AUTS2: variants seen among roughly 807,000 people sequenced by gnomAD.
AUTS2 encodes autism susceptibility gene 2 protein.
In AUTS2, 17 loss-of-function variants were observed where a neutral mutation model predicts 112.4. The observed-to-expected ratio is 0.15, with a 90% CI of 0.10 to 0.23. The LOEUF is 0.23. AUTS2 is among the 10% of genes least tolerant of loss of function. The probability of loss-of-function intolerance (pLI) is 1.00; values close to 1 mark genes in which losing one functional copy is unlikely to be tolerated. For missense variants in AUTS2, 1,510 were observed against 1,701.6 expected (o/e 0.89, Z 1.98); for synonymous variants, 751 against 702.7 (o/e 1.07, Z -1.09).
chr7:70,074,860 A>T (rs1357721969), intron 2 of AUTS2, among the ~76,000 whole-genome samples: 1 of 152,188 alleles, frequency 6.6e-6, no homozygotes, highest in African/African-American at 2.4e-5. Context: ...TTTTGGTGTA[A>T]CCAATCCCCA....
chr7:69,824,749 C>T (rs2129526767), intron 1 of AUTS2: 1 of 152,260 alleles, frequency 6.6e-6, no homozygotes, highest in Non-Finnish European at 1.5e-5. Flanking sequence ...TTTCATTGGC[C>T]ATACTTCTCC....
At chr7:69,625,172 A>G (rs986217526) in intron 1 of AUTS2, among the ~76,000 whole-genome samples, 26 of 152,240 alleles carry the variant, frequency 1.7e-4, no homozygotes, top group Non-Finnish European at 2.5e-4. Context: ...CTCCCCTTCA[A>G]TTCTTAGCAG....
At chr7:70,004,966 A>C (rs1799479596) in intron 2 of AUTS2, among the ~76,000 whole-genome samples, 1 of 151,894 alleles carries the variant, frequency 6.6e-6, no homozygotes, top group African/African-American at 2.4e-5. Flanking sequence ...CTGGGATTAC[A>C]GGCACCTACC....
At chr7:70,288,576 A>G (rs1340359040) in intron 4 of AUTS2, among the ~76,000 whole-genome samples, 3 of 152,084 alleles carry the variant, frequency 2.0e-5, no homozygotes, top group African/African-American at 7.2e-5. Context: ...TGTACTGCCA[A>G]CCTCTAATTG....
At chr7:69,766,771 G>A (rs1406761346) in intron 1 of AUTS2, among the ~76,000 whole-genome samples, 8 of 152,206 alleles carry the variant, frequency 5.3e-5, no homozygotes. Flanking sequence ...AACCAGTGGT[G>A]TTGAATCTTA....
chr7:70,029,709 A>G (rs1168272672), intron 2 of AUTS2, among the ~76,000 whole-genome samples: 1 of 152,200 alleles, frequency 6.6e-6, no homozygotes, highest in Non-Finnish European at 1.5e-5. Context: ...GAAAAAAACA[A>G]CTAGTTGTGA....
chr7:69,683,667 C>T (rs1345951146), intron 1 of AUTS2, among the ~76,000 whole-genome samples: 3 of 151,900 alleles, frequency 2.0e-5, no homozygotes, highest in Middle Eastern at 3.4e-3. Context: ...GAGGCTGAGG[C>T]GGGTGGATCA....
chr7:70,782,453 A>G (rs1056519369), intron 15 of AUTS2: 2 of 152,276 alleles, frequency 1.3e-5, no homozygotes, highest in Admixed American at 1.3e-4. Flanking sequence ...AGTGACGATT[A>G]TGCTCATTCC....
At chr7:70,110,924 C>T (rs1037799766) in intron 2 of AUTS2, among the ~76,000 whole-genome samples, 6 of 139,380 alleles carry the variant, frequency 4.3e-5, no homozygotes, top group South Asian at 2.2e-4. Flanking sequence ...CAGGCTGGAG[C>T]GCAGTGGCGC....
At chr7:70,501,660 G>GACA (rs1798777103) in intron 5 of AUTS2, among the ~76,000 whole-genome samples, 1 of 152,050 alleles carries the variant, frequency 6.6e-6, no homozygotes, top group Non-Finnish European at 1.5e-5. Context: ...GGCTACATGA[G>GACA]ACATGCAGAC....
chr7:70,701,623 C>T (rs1296631606), intron 6 of AUTS2, among the ~76,000 whole-genome samples: 1 of 152,112 alleles, frequency 6.6e-6, no homozygotes, highest in African/African-American at 2.4e-5. Flanking sequence ...TTATTTCCTG[C>T]TTTAAAACAA....
intron 11 of AUTS2, 58 bp from the exon 12 acceptor site, chr7:70,773,970 G>A: frequency 6.6e-7 from 1 of 1,506,458 alleles, no homozygotes; most frequent in African/African-American, 1.4e-5. Flanking sequence ...GAAGGATCTT[G>A]CTTTCATGTC....
At chr7:70,670,341 T>G (rs1205385313) in intron 5 of AUTS2, among the ~76,000 whole-genome samples, 1 of 152,220 alleles carries the variant, frequency 6.6e-6, no homozygotes, top group East Asian at 1.9e-4. Flanking sequence ...TATAAATTGA[T>G]TCCATCCACA....
intron 5 of AUTS2, among the ~76,000 whole-genome samples, chr7:70,578,926 C>CTT (rs71077663): frequency 0.021 from 2,825 of 132,304 alleles, 87 homozygotes; most frequent in African/African-American, 0.064. Flanking sequence ...TTTTTTCTTT[C>CTT]TTTTTTTTTT....
At chr7:69,921,458 A>C (rs1161819030) in intron 2 of AUTS2, among the ~76,000 whole-genome samples, 1 of 151,750 alleles carries the variant, frequency 6.6e-6, no homozygotes, top group Non-Finnish European at 1.5e-5. Context: ...TCTGGATCTC[A>C]CAGATGCTAT....
chr7:70,092,671 G>A (rs1478519331), intron 2 of AUTS2, among the ~76,000 whole-genome samples: 2 of 152,054 alleles, frequency 1.3e-5, no homozygotes, highest in African/African-American at 4.8e-5. Context: ...TTAATTAATT[G>A]CACTGAAATT....
At chr7:70,337,212 T>TA (rs1268508533) in intron 4 of AUTS2, among the ~76,000 whole-genome samples, 4 of 152,172 alleles carry the variant, frequency 2.6e-5, no homozygotes, top group Non-Finnish European at 5.9e-5. Context: ...AGCTGAGACT[T>TA]AAAGGATGAA....
chr7:69,939,101 A>G (rs1472597787), intron 2 of AUTS2, among the ~76,000 whole-genome samples: 2 of 152,250 alleles, frequency 1.3e-5, no homozygotes, highest in East Asian at 1.9e-4. Context: ...TTGTATCCCT[A>G]TCACATCATG....
At chr7:69,670,729 T>C (rs1796282101) in intron 1 of AUTS2, among the ~76,000 whole-genome samples, 1 of 152,012 alleles carries the variant, frequency 6.6e-6, no homozygotes, top group Non-Finnish European at 1.5e-5. Flanking sequence ...GATTAAAAAA[T>C]TAGCCAAGTG....
Sources: allele counts gnomAD v4.1 joint callset (sites outside exome capture counted in the v4.1 genomes callset), GRCh38; gene constraint gnomAD v4.1.1; transcripts MANE v1.5; gene names NCBI Gene and HGNC (gene_info 2026-07-23, HGNC 2026-07-21).